The following SAMD5 variants were observed in gnomAD, a reference collection of about 807,000 sequenced individuals.
The protein encoded by SAMD5 is sterile alpha motif domain containing 5, also known as sterile alpha motif domain-containing protein 5.
Under a neutral mutation model 11.3 loss-of-function variants are expected in SAMD5, and 13 were observed. That is an observed-to-expected ratio of 1.15 (90% CI 0.75 to 1.83). The LOEUF is 1.83. Ranked by LOEUF, SAMD5 falls within the 40% of genes most tolerant of loss-of-function variation. The pLI is 0.00. For missense variants in SAMD5, 255 were observed against 239.1 expected (o/e 1.07, Z -0.44); for synonymous variants, 129 against 111.3 (o/e 1.16, Z -1.00).
chr6:147,754,510 T>C, the SAMD5 span, among the ~76,000 whole-genome samples: 1 of 152,100 alleles, frequency 6.6e-6, no homozygotes, highest in Non-Finnish European at 1.5e-5. Flanking sequence ...ATTCTGTGGG[T>C]TATCTACTCA....
the SAMD5 span, among the ~76,000 whole-genome samples, chr6:147,757,330 A>G: frequency 2.6e-5 from 4 of 152,196 alleles, no homozygotes; most frequent in Non-Finnish European, 4.4e-5. Flanking sequence ...GGGGTTGACA[A>G]CATCATTTCA....
chr6:147,785,872 A>G, the SAMD5 span, among the ~76,000 whole-genome samples: 1 of 152,210 alleles, frequency 6.6e-6, no homozygotes, highest in Non-Finnish European at 1.5e-5. Flanking sequence ...ATGACTTTTG[A>G]TAAATTCCTA....
At chr6:147,831,200 A>G in the SAMD5 span, among the ~76,000 whole-genome samples, 3 of 152,392 alleles carry the variant, frequency 2.0e-5, no homozygotes, top group African/African-American at 7.2e-5. Context: ...GAATAAAACA[A>G]AAAAAGATAT....
the SAMD5 span, among the ~76,000 whole-genome samples, chr6:147,877,847 T>TACACACACACACAC: frequency 8.2e-3 from 928 of 113,018 alleles, 11 homozygotes; most frequent in South Asian, 0.023. Context: ...TTTATATAAA[T>TACACACACACACAC]ACACACACAC....
intron 1 of SAMD5, among the ~76,000 whole-genome samples, chr6:147,669,621 G>A (rs1182947989): frequency 1.3e-5 from 2 of 151,562 alleles, no homozygotes; most frequent in East Asian, 3.9e-4. Flanking sequence ...AGTAGAGATG[G>A]GGTTTCACCA....
chr6:147,601,261 T>G (rs761323579), intron 1 of SAMD5, among the ~76,000 whole-genome samples: 3 of 152,026 alleles, frequency 2.0e-5, no homozygotes, highest in Non-Finnish European at 4.4e-5. Flanking sequence ...AATCACAAAA[T>G]CCATCAGGTT....
At chr6:147,645,526 A>C (rs1270322641) in intron 1 of SAMD5, among the ~76,000 whole-genome samples, 5 of 152,194 alleles carry the variant, frequency 3.3e-5, no homozygotes, top group African/African-American at 1.2e-4. Flanking sequence ...CAGATTCAGC[A>C]CAGAGGCCAT....
At position 147,516,383 on chromosome 6, in the gene SAMD5, C is replaced by A. The variant is rs190917695; in HGVS notation, c.459+6996C>A. On this transcript the variant is annotated intron_variant, in intron 1 of 1. Transcript: ENST00000367474. ...TGGTTCAGCGCAACAGGCTCAGAAC[C>A]AGACATCAGAGTTCGAGTCCCAGCT... is the stretch of plus-strand genomic sequence containing the variant. Among the ~76,000 whole-genome samples the A allele has an allele frequency of 4.2e-3, 640 of 152,246 alleles. 4 individuals are homozygous for A. Among genetic ancestry groups the A allele is most frequent in the Admixed American group, 9.0e-3 (137 of 15,292 alleles).
intron 1 of SAMD5, among the ~76,000 whole-genome samples, chr6:147,581,257 GGGCAAGGGGGATAAT>G (rs1789292960): frequency 6.6e-6 from 1 of 152,168 alleles, no homozygotes; most frequent in Non-Finnish European, 1.5e-5. Flanking sequence ...TACATTTGTA[GGGCAAGGGGGATAAT>G]GGGCTCCCTT....
the SAMD5 span, among the ~76,000 whole-genome samples, chr6:147,910,427 C>G: frequency 2.0e-5 from 3 of 152,304 alleles, no homozygotes; most frequent in East Asian, 5.8e-4. Context: ...CCACCTGCTA[C>G]TCTCTCCGGG....
the SAMD5 span, among the ~76,000 whole-genome samples, chr6:147,885,213 C>T: frequency 6.6e-6 from 1 of 152,080 alleles, no homozygotes. Flanking sequence ...AATCCCAGCA[C>T]TTTGGGAGGC....
chr6:147,896,738 C>CAAAAAAAAAAAAAAAAAAAAAAAAAAA, the SAMD5 span, among the ~76,000 whole-genome samples: 11 of 55,324 alleles, frequency 2.0e-4, no homozygotes, highest in South Asian at 8.1e-4. Context: ...GAACATTAAC[C>CAAAAAAAAAAAAAAAAAAAAAAAAAAA]AAAAAAAAAA....
chr6:147,615,868 TC>T (rs1404619167), intron 1 of SAMD5, among the ~76,000 whole-genome samples: 7 of 152,126 alleles, frequency 4.6e-5, no homozygotes. Flanking sequence ...AGACATAAAT[TC>T]CTTTACTATG....
At chr6:147,509,944 G>A (rs898153739) in intron 1 of SAMD5, among the ~76,000 whole-genome samples, 1 of 152,170 alleles carries the variant, frequency 6.6e-6, no homozygotes, top group African/African-American at 2.4e-5. Flanking sequence ...AGCATTTTAA[G>A]AGGAAAAGTG....
intron 1 of SAMD5, among the ~76,000 whole-genome samples, chr6:147,582,799 A>G (rs1038461466): frequency 2.0e-5 from 3 of 152,220 alleles, no homozygotes; most frequent in Non-Finnish European, 4.4e-5. Context: ...GCAGAGCCCT[A>G]AGCAGAGAGT....
intron 1 of SAMD5, among the ~76,000 whole-genome samples, chr6:147,619,093 T>C (rs1379486671): frequency 6.6e-6 from 1 of 152,188 alleles, no homozygotes; most frequent in Admixed American, 6.5e-5. Flanking sequence ...ACCCGGCCTT[T>C]CCTGCTCTTG....
At chr6:147,853,204 C>T in the SAMD5 span, among the ~76,000 whole-genome samples, 2 of 152,132 alleles carry the variant, frequency 1.3e-5, no homozygotes, top group African/African-American at 4.8e-5. Context: ...ACATTTCTCT[C>T]ATGGCCTCTT....
chr6:147,597,312 A>G (rs553697662), intron 1 of SAMD5, among the ~76,000 whole-genome samples: 1 of 152,190 alleles, frequency 6.6e-6, no homozygotes, highest in Non-Finnish European at 1.5e-5. Flanking sequence ...CTGTCCCTTG[A>G]GCACTGCTGA....
the SAMD5 span, among the ~76,000 whole-genome samples, chr6:147,787,762 C>T: frequency 1.3e-5 from 2 of 152,028 alleles, no homozygotes; most frequent in Non-Finnish European, 2.9e-5. Context: ...CATGGAGTAC[C>T]GAAAAAAGAT....
Sources: allele counts gnomAD v4.1 joint callset (sites outside exome capture counted in the v4.1 genomes callset), GRCh38; gene constraint gnomAD v4.1.1; transcripts MANE v1.5; gene names NCBI Gene and HGNC (gene_info 2026-07-23, HGNC 2026-07-21).